FRMPD4: variants seen among roughly 807,000 people sequenced by gnomAD.
FRMPD4 encodes FERM and PDZ domain-containing protein 4.
A neutral mutation model predicts 94.1 loss-of-function variants in FRMPD4; 22 were observed. That is an observed-to-expected ratio of 0.23 (90% CI 0.17 to 0.33). The LOEUF is 0.33. FRMPD4 is among the 10% of genes least tolerant of loss of function. FRMPD4 has a pLI of 1.00. For synonymous variants in FRMPD4, 631 were observed against 548.6 expected, an observed-to-expected ratio of 1.15 and a Z score of -2.10; for missense variants, 1,111 against 1,339.9, an observed-to-expected ratio of 0.83 and a Z score of 2.67.
At chrX:12,560,919 G>A (rs370787244) in intron 2 of FRMPD4, among the ~76,000 whole-genome samples, 4 of 98,894 alleles carry the variant, frequency 4.0e-5, no homozygotes, top group Admixed American at 1.1e-4. Context: ...ACAGGCGCCC[G>A]CCACTACGCC....
At chrX:12,719,601 T>C (rs946972478) in intron 16 of FRMPD4, among the ~76,000 whole-genome samples, 7 of 112,125 alleles carry the variant, frequency 6.2e-5, no homozygotes, top group African/African-American at 2.3e-4. Context: ...CTTATATTGG[T>C]CATTTTCTAT....
chrX:12,044,768 G>T (rs775972349), intron 3 of FRMPD4, among the ~76,000 whole-genome samples: 4 of 112,163 alleles, frequency 3.6e-5, no homozygotes, highest in Non-Finnish European at 7.5e-5. Flanking sequence ...AGAAAGTTAT[G>T]ATCTCATGTA....
intron 1 of FRMPD4, among the ~76,000 whole-genome samples, chrX:12,446,647 G>A (rs970615979): frequency 1.9e-4 from 21 of 111,712 alleles, no homozygotes; most frequent in Non-Finnish European, 3.2e-4. Flanking sequence ...AACGCCTTTT[G>A]CTAGGCTCTT....
At chrX:12,297,063 CCTTTATCCCTT>C (rs1265009815) in intron 1 of FRMPD4, among the ~76,000 whole-genome samples, 1 of 112,548 alleles carries the variant, frequency 8.9e-6, no homozygotes, top group Non-Finnish European at 1.9e-5. Flanking sequence ...TGCATTGAAT[CCTTTATCCCTT>C]CAGTGTCTGC....
At chrX:12,704,987 T>A (rs1291850624) in intron 11 of FRMPD4, among the ~76,000 whole-genome samples, 2 of 111,677 alleles carry the variant, frequency 1.8e-5, no homozygotes, top group Non-Finnish European at 1.9e-5. Flanking sequence ...TATTCTGGGA[T>A]GTTTAGCGGC....
At chrX:12,028,473 C>T (rs902863274) in intron 3 of FRMPD4, among the ~76,000 whole-genome samples, 4 of 110,431 alleles carry the variant, frequency 3.6e-5, no homozygotes, top group Non-Finnish European at 7.6e-5. Flanking sequence ...CATGAACCTA[C>T]ATTGCTACAT....
chrX:12,707,525 C>T lies in FRMPD4; in HGVS notation c.1344C>T (p.Ser448=). The change falls in exon 13 of 17, where the codon AGC becomes AGT. Residue 448 remains serine (S), a synonymous_variant. Coordinates refer to ENST00000675598, the MANE Select transcript of FRMPD4 (RefSeq NM_001368397.1). ...TLLVGPRYGI[S]HVINTKTNLV... ...TGGTTGGGCCCCGGTATGGCATAAG[C>T]CATGTCATCAACACCAAAACCAATC... is the stretch of plus-strand genomic sequence containing the variant. 8.3e-7 allele frequency: 1 copy of T among 1,208,203 alleles called. No homozygotes were observed. The highest frequency in any genetic ancestry group is 1.1e-6 in the Non-Finnish European group (1 of 892,237).
chrX:12,147,273 G>A (rs2055781853), intron 1 of FRMPD4, among the ~76,000 whole-genome samples: 1 of 112,357 alleles, frequency 8.9e-6, no homozygotes, highest in Admixed American at 9.4e-5. Context: ...CAAGTAACTT[G>A]CTTTGGCCAG....
At chrX:12,669,192 G>T (rs1333843628) in intron 4 of FRMPD4, among the ~76,000 whole-genome samples, 2 of 111,744 alleles carry the variant, frequency 1.8e-5, no homozygotes, top group East Asian at 5.6e-4. Context: ...TGCCACGTTG[G>T]TGAGATGGGG....
intron 2 of FRMPD4, among the ~76,000 whole-genome samples, chrX:12,515,834 C>T (rs1180456438): frequency 2.7e-5 from 3 of 111,428 alleles, no homozygotes; most frequent in Non-Finnish European, 5.7e-5. Flanking sequence ...CAGTCTAAGT[C>T]TCTTTGTAAG....
intron 4 of FRMPD4, among the ~76,000 whole-genome samples, chrX:12,657,142 A>ATC (rs1182120263): frequency 9.0e-6 from 1 of 111,199 alleles, no homozygotes; most frequent in Non-Finnish European, 1.9e-5. Flanking sequence ...CAACATTATT[A>ATC]TCTCACCTTT....
intron 3 of FRMPD4, among the ~76,000 whole-genome samples, chrX:12,098,453 G>T (rs753842796): frequency 8.0e-5 from 9 of 112,301 alleles, no homozygotes; most frequent in Non-Finnish European, 1.3e-4. Flanking sequence ...TTAACCAAAA[G>T]GTGAGGCTAT....
At position 12,721,693 on chromosome X, in the gene FRMPD4, C is replaced by A. The variant is rs968114002; in HGVS notation, c.5124C>A (p.Ile1708=). 9.3e-6 allele frequency: 7 copies of A among 751,056 alleles called. No individual in the cohort carries two copies. Among genetic ancestry groups the A allele is most frequent in the African/African-American group, 2.3e-5 (1 of 42,922 alleles). 61.9% of individuals were successfully genotyped at this position (751,056 alleles called of 1,213,427 possible). A position where few individuals can be genotyped will look rare whatever the true frequency, so the allele number is the denominator to read the frequency against. Reference sequence around the variant, plus strand: ...AGCGGCAGGAAATTGTAGGGAAGATCGATGAAGTGGTCATAAATTACATTT... The same window carrying A: ...AGCGGCAGGAAATTGTAGGGAAGATAGATGAAGTGGTCATAAATTACATTT... The part of the protein sequence containing the change: ...ETQRQEIVGK[I]DEVVINYICL... The change falls in exon 17 of 17, where the codon ATC becomes ATA. Residue 1708 remains isoleucine, a synonymous_variant. Transcript: ENST00000675598.
intron 1 of FRMPD4, among the ~76,000 whole-genome samples, chrX:12,251,986 C>T (rs921247905): frequency 1.8e-5 from 2 of 111,991 alleles, no homozygotes; most frequent in East Asian, 2.8e-4. Flanking sequence ...AAATATTGCA[C>T]GAAAAGAGCT....
chrX:11,915,572 T>G (rs1204083354), intron 3 of FRMPD4, among the ~76,000 whole-genome samples: 2 of 112,768 alleles, frequency 1.8e-5, no homozygotes, highest in Non-Finnish European at 3.8e-5. Flanking sequence ...CATGTGGCTA[T>G]TTAAATGAAA....
intron 2 of FRMPD4, among the ~76,000 whole-genome samples, chrX:12,557,755 C>A: frequency 9.0e-6 from 1 of 111,582 alleles, no homozygotes; most frequent in Middle Eastern, 4.6e-3. Context: ...GCTGGACCCC[C>A]CCTCCCCAGG....
intron 1 of FRMPD4, among the ~76,000 whole-genome samples, chrX:12,186,451 T>C (rs1295639110): frequency 1.8e-5 from 2 of 111,825 alleles, no homozygotes; most frequent in East Asian, 5.6e-4. Flanking sequence ...CCCAAAATAC[T>C]CATTGGTGTT....
At chrX:12,232,964 T>C (rs2057029919) in intron 1 of FRMPD4, among the ~76,000 whole-genome samples, 1 of 112,002 alleles carries the variant, frequency 8.9e-6, no homozygotes, top group Non-Finnish European at 1.9e-5. Context: ...TGTACAACTT[T>C]TGGTGGCCCA....
intron 2 of FRMPD4, among the ~76,000 whole-genome samples, chrX:12,608,919 T>A (rs2059154676): frequency 8.9e-6 from 1 of 111,989 alleles, no homozygotes; most frequent in Admixed American, 9.5e-5. Context: ...CAACCCCACA[T>A]GCAGTCAAAA....
Sources: allele counts gnomAD v4.1 joint callset (sites outside exome capture counted in the v4.1 genomes callset), GRCh38; gene constraint gnomAD v4.1.1; transcripts MANE v1.5; gene names NCBI Gene and HGNC (gene_info 2026-07-23, HGNC 2026-07-21).